LOX: variants seen among roughly 807,000 people sequenced by gnomAD.
LOX encodes the protein protein-lysine 6-oxidase.
In LOX, 12 loss-of-function variants were observed where a neutral mutation model predicts 50.5. The observed-to-expected ratio is 0.24, with a 90% CI of 0.15 to 0.38. The LOEUF (loss-of-function observed/expected upper bound fraction) is 0.38. Ranked by LOEUF, LOX falls within the 10% of genes least tolerant of loss-of-function variation. The probability of loss-of-function intolerance (pLI) is 1.00; values close to 1 mark genes in which losing one functional copy is unlikely to be tolerated. For synonymous variants in LOX, 254 were observed against 230.6 expected (o/e 1.10, Z -0.92); for missense variants, 504 against 563.8 (o/e 0.89, Z 1.07).
chr5:122,069,615 G>A (rs901326459), intron 6 of LOX, among the ~76,000 whole-genome samples: 10 of 152,220 alleles, frequency 6.6e-5, no homozygotes, highest in African/African-American at 2.4e-4. Context: ...ACAGACCAGA[G>A]GGGGCTGAAC....
At chr5:122,075,576 A>T in intron 2 of LOX, 35 bp from the exon 3 acceptor site, 2 of 1,416,760 alleles carry the variant, frequency 1.4e-6, no homozygotes, top group Non-Finnish European at 1.9e-6. Context: ...TATTATATTC[A>T]TGGAATATTA....
intron 3 of LOX, 42 bp from the exon 4 acceptor site, chr5:122,074,211 C>G (rs778698143): frequency 2.6e-6 from 4 of 1,556,372 alleles, no homozygotes; most frequent in South Asian, 2.3e-5. Flanking sequence ...CAGTTACATA[C>G]AGAGAAAGCA....
At chr5:122,076,192 G>A (rs1408679301) in intron 2 of LOX, 1 of 152,192 alleles carries the variant, frequency 6.6e-6, no homozygotes, top group African/African-American at 2.4e-5. Flanking sequence ...TGGAAGAAAT[G>A]TACAAATAAA....
rs1289447227 is a variant in LOX, at chr5:122,066,554, A to G, written c.*189T>C. On this transcript the variant is annotated 3_prime_UTR_variant, in exon 7 of 7. Transcript: ENST00000231004. Reference sequence around the variant, plus strand: ...AAATAATAAACATTAAAAATTTCCCAAGTAATGATGACTTAAGCGTTCAAA... The same window carrying G: ...AAATAATAAACATTAAAAATTTCCCGAGTAATGATGACTTAAGCGTTCAAA... 6.1e-6 allele frequency: 3 copies of G among 491,574 alleles called. No homozygotes were observed. Among genetic ancestry groups the G allele is most frequent in the Non-Finnish European group, 7.5e-6 (2 of 267,514 alleles). The allele number at this position is 491,574 out of a possible 1,614,324, so 30.5% of individuals were successfully genotyped here. A position where few individuals can be genotyped will look rare whatever the true frequency, so the allele number is the denominator to read the frequency against.
At chr5:122,074,228 A>T in intron 3 of LOX, 59 bp from the exon 4 acceptor site, 1 of 1,433,708 alleles carries the variant, frequency 7.0e-7, no homozygotes, top group Non-Finnish European at 9.6e-7. Flanking sequence ...AGCAATGAAG[A>T]TATTAAATGA....
chr5:122,064,870 C>G lies in LOX; in HGVS notation c.*1873G>C, dbSNP rs1754257064. 6.6e-6 allele frequency: 1 copy of G among 151,952 alleles called. No homozygotes were observed. Among genetic ancestry groups the G allele is most frequent in the Non-Finnish European group, 1.5e-5 (1 of 67,956 alleles). The allele number at this position is 151,952 out of a possible 1,614,324, so 9.4% of individuals were successfully genotyped here. ...TGATGATATTGCCTAGTTTTTAATA[C>G]AAGCTTAAGAATCAATAAAATGATA... is the stretch of plus-strand genomic sequence containing the variant. On this transcript the variant is annotated 3_prime_UTR_variant, in exon 7 of 7. Coordinates refer to ENST00000231004, the MANE Select transcript of LOX (RefSeq NM_002317.7).
rs1351136345 is a variant in LOX, at chr5:122,065,425, A to G, written c.*1318T>C. ...TTAAAAGTGTAATTTCATTTTCTTG[A>G]ATTTAGGTAAAAGCAAAATTCTCAA... On this transcript the variant is annotated 3_prime_UTR_variant, in exon 7 of 7. Coordinates refer to ENST00000231004, the MANE Select transcript of LOX (RefSeq NM_002317.7). 1 of 152,100 alleles carries G rather than the reference A, an allele frequency of 6.6e-6. No homozygotes were observed. The highest frequency in any genetic ancestry group is 1.9e-4 in the East Asian group (1 of 5,190). The allele number at this position is 152,100 out of a possible 1,614,324, so 9.4% of individuals were successfully genotyped here.
intron 6 of LOX, among the ~76,000 whole-genome samples, chr5:122,067,403 GTACAT>G (rs2152585292): frequency 6.6e-6 from 1 of 152,178 alleles, no homozygotes; most frequent in South Asian, 2.1e-4. Context: ...AGGAGAGAGG[GTACAT>G]TAACAGCACA....
At chr5:122,066,785 C>T in intron 6 of LOX, 36 bp from the exon 7 acceptor site, 6 of 1,380,562 alleles carry the variant, frequency 4.3e-6, no homozygotes, top group East Asian at 4.6e-5. Context: ...AAATTATTAA[C>T]CTGATAATAT....
intron 4 of LOX, among the ~76,000 whole-genome samples, chr5:122,071,681 A>G: frequency 6.6e-6 from 1 of 152,220 alleles, no homozygotes; most frequent in East Asian, 1.9e-4. Flanking sequence ...TTATTCTAAT[A>G]GTAATTTAAA....
At position 122,064,702 on chromosome 5, in the gene LOX, T is replaced by G. The variant is rs1204065564; in HGVS notation, c.*2041A>C. The G allele has an allele frequency of 6.6e-6, 1 of 151,990 alleles. No homozygotes were observed. Among genetic ancestry groups the G allele is most frequent in the East Asian group, 1.9e-4 (1 of 5,176 alleles). 9.4% of individuals were successfully genotyped at this position (151,990 alleles called of 1,614,324 possible). A position where few individuals can be genotyped will look rare whatever the true frequency, so the allele number is the denominator to read the frequency against. On this transcript the variant is annotated 3_prime_UTR_variant, in exon 7 of 7. Coordinates refer to ENST00000231004, the MANE Select transcript of LOX (RefSeq NM_002317.7). The stretch of plus-strand genomic sequence containing the variant: ...TAATAATGGGATTTTTAATACTTAT[T>G]GAGGTTATAGACAGTCTTTTTTATG...
intron 6 of LOX, 52 bp downstream of exon 6, chr5:122,070,001 G>A (rs1470653926): frequency 7.7e-7 from 1 of 1,303,682 alleles, no homozygotes; most frequent in African/African-American, 1.5e-5. Context: ...TGTTTGGCAT[G>A]AACAAAAATT....
In LOX at chr5:122,078,247, G is replaced by T; in HGVS notation, c.-262C>A. On this transcript the variant is annotated 5_prime_UTR_variant, in exon 1 of 7. Transcript: ENST00000231004. The stretch of plus-strand genomic sequence containing the variant: ...GGGAGCGGCGCGGCAGTCCCGGAGA[G>T]CGGGCAGTGTCTGGAGTGAAGGAAG... 1 of 401,996 alleles carries T rather than the reference G, an allele frequency of 2.5e-6. No individual in the cohort carries two copies. The highest frequency in any genetic ancestry group is 4.3e-6 in the Non-Finnish European group (1 of 230,794). The allele number at this position is 401,996 out of a possible 1,614,324, so 24.9% of individuals were successfully genotyped here.
chr5:122,072,501 CAA>C (rs370772807), intron 4 of LOX, among the ~76,000 whole-genome samples: 26 of 152,136 alleles, frequency 1.7e-4, no homozygotes, highest in African/African-American at 5.3e-4. Context: ...TCTCAGAACA[CAA>C]GAGTTATTAA....
In LOX at chr5:122,077,247, T is replaced by A; in HGVS notation, c.631+108A>T. The A allele has an allele frequency of 1.3e-6, 2 of 1,532,360 alleles. No homozygotes were observed. Among genetic ancestry groups the A allele is most frequent in the South Asian group, 2.5e-5 (2 of 79,368 alleles). 94.9% of individuals were successfully genotyped at this position (1,532,360 alleles called of 1,614,324 possible). ...CCACTGCAGGCGCGTGGGGGAGGGATCGGATCTGCGAGGACCGGGGCCCGC... is the reference window on the plus strand; with the variant it reads ...CCACTGCAGGCGCGTGGGGGAGGGAACGGATCTGCGAGGACCGGGGCCCGC... On this transcript the variant is annotated intron_variant, in intron 1 of 6. Transcript: ENST00000231004. This position sits in a 1 kb window ranked among gnomAD's most constrained non-coding sequence, Gnocchi z 4.9.
chr5:122,074,182 A>G lies in LOX; in HGVS notation c.879-13T>C. The G allele has an allele frequency of 6.2e-7, 1 of 1,607,160 alleles. No homozygotes were observed. Among genetic ancestry groups the G allele is most frequent in the Non-Finnish European group, 8.5e-7 (1 of 1,174,264 alleles). On this transcript the variant is annotated splice_polypyrimidine_tract_variant and intron_variant, in intron 3 of 6. Transcript: ENST00000231004. ...ACTGTGGTAATGTCTGATGTCCCAC[A>G]AAACAAAAAGATGGTGGTCAGTTAC...
chr5:122,066,754 A>T lies in LOX; in HGVS notation c.1248-5T>A. 1 of 1,587,390 alleles carries T rather than the reference A, an allele frequency of 6.3e-7. No homozygotes were observed. The highest frequency in any genetic ancestry group is 8.6e-7 in the Non-Finnish European group (1 of 1,156,354). ...TTTTGCTTTGCCTTCTAATACCTAG[A>T]TTAAGAAGACAAAATAAGACAAATT... On this transcript the variant is annotated splice_region_variant and splice_polypyrimidine_tract_variant and intron_variant, in intron 6 of 6. Transcript: ENST00000231004.
chr5:122,071,070 A>G (rs935601380), intron 4 of LOX, among the ~76,000 whole-genome samples: 6 of 151,614 alleles, frequency 4.0e-5, no homozygotes, highest in Admixed American at 6.6e-5. Context: ...GCATTATAAC[A>G]TGCTATGTAA....
intron 4 of LOX, among the ~76,000 whole-genome samples, chr5:122,071,093 C>T (rs992392871): frequency 6.6e-6 from 1 of 152,010 alleles, no homozygotes. Context: ...ATATAGCTAA[C>T]CAGAGGCTGC....
Sources: gnomAD v4.1 joint callset for allele counts (sites outside exome capture counted in the v4.1 genomes callset) on GRCh38, gnomAD v4.1.1 for gene constraint, Gnocchi (gnomAD v3.1) non-coding constraint, MANE v1.5 for transcripts, NCBI Gene and HGNC (gene_info 2026-07-23, HGNC 2026-07-21) for gene names.